Variants in MARCHF1 observed in about 807,000 individuals in gnomAD.
MARCHF1 encodes the protein membrane associated ring-CH-type finger 1, also known as E3 ubiquitin-protein ligase MARCHF1.
MARCHF1 carries 40 observed loss-of-function variants against 54.2 expected under a neutral mutation model. That is an observed-to-expected ratio of 0.74 (90% CI 0.57 to 0.96). The LOEUF (loss-of-function observed/expected upper bound fraction) is 0.96. Among genes scored for constraint, MARCHF1 ranks in the 40% least tolerant of loss-of-function variants. The probability of loss-of-function intolerance (pLI) is 0.00; values close to 1 mark genes in which losing one functional copy is unlikely to be tolerated. For synonymous variants in MARCHF1, 236 were observed against 236.3 expected (o/e 1.00, Z 0.01); for missense variants, 586 against 656.5 (o/e 0.89, Z 1.17).
chr4:163,679,979 G>GTTTTTTTT (rs11327231), intron 5 of MARCHF1, among the ~76,000 whole-genome samples: 1 of 139,374 alleles, frequency 7.2e-6, no homozygotes, highest in African/African-American at 2.6e-5. Context: ...CTTTTTATCT[G>GTTTTTTTT]TTTTTTTTTT....
chr4:163,977,486 T>A (rs1752671723), intron 3 of MARCHF1, among the ~76,000 whole-genome samples: 3 of 152,202 alleles, frequency 2.0e-5, no homozygotes, highest in African/African-American at 7.2e-5. Context: ...TAATATTTTG[T>A]TATCCTAATT....
At chr4:164,380,496 C>CAAA (rs1731336000) in intron 1 of MARCHF1, among the ~76,000 whole-genome samples, 1 of 152,184 alleles carries the variant, frequency 6.6e-6, no homozygotes. Flanking sequence ...AAGTAGAACA[C>CAAA]ATATTTCCTA....
chr4:164,095,218 C>T (rs1167091559), intron 2 of MARCHF1, among the ~76,000 whole-genome samples: 1 of 152,090 alleles, frequency 6.6e-6, no homozygotes, highest in Non-Finnish European at 1.5e-5. Flanking sequence ...AGGGCCTATT[C>T]CTCATTAGCC....
intron 4 of MARCHF1, among the ~76,000 whole-genome samples, chr4:163,843,834 A>G (rs1378907744): frequency 6.6e-6 from 1 of 151,484 alleles, no homozygotes; most frequent in African/African-American, 2.4e-5. Context: ...GTGGTGTGAG[A>G]TGGTATGTCA....
At chr4:163,725,091 G>A (rs3921738) in intron 4 of MARCHF1, among the ~76,000 whole-genome samples, 46,500 of 151,968 alleles carry the variant, frequency 0.31, 8,825 homozygotes, top group Non-Finnish European at 0.44. Context: ...ACCCGTCTGC[G>A]TCGCTCACGC....
At chr4:163,867,454 C>G (rs568698301) in intron 3 of MARCHF1, among the ~76,000 whole-genome samples, 1 of 151,458 alleles carries the variant, frequency 6.6e-6, no homozygotes. Context: ...ACACACATAT[C>G]CATAATATAG....
intron 7 of MARCHF1, among the ~76,000 whole-genome samples, chr4:163,600,809 A>T (rs1740939354): frequency 6.6e-6 from 1 of 152,148 alleles, no homozygotes; most frequent in East Asian, 1.9e-4. Flanking sequence ...TTTGATTAGC[A>T]CTTGTTGGGT....
chr4:164,189,314 A>G (rs1384396661), intron 1 of MARCHF1: 3 of 598,586 alleles, frequency 5.0e-6, no homozygotes, highest in Admixed American at 2.8e-5. Flanking sequence ...GAGTCCTTCT[A>G]TGAAGGAGAA....
chr4:163,790,039 C>A (rs150617847), intron 4 of MARCHF1, among the ~76,000 whole-genome samples: 1 of 152,002 alleles, frequency 6.6e-6, no homozygotes, highest in East Asian at 1.9e-4. Context: ...TAGCTAAGAT[C>A]AGGATAATTT....
At chr4:163,576,283 A>C (rs1246829316) in intron 8 of MARCHF1, among the ~76,000 whole-genome samples, 2 of 152,042 alleles carry the variant, frequency 1.3e-5, no homozygotes, top group Non-Finnish European at 2.9e-5. Context: ...TTCTGCCTTA[A>C]TGTAATTGTT....
intron 3 of MARCHF1, among the ~76,000 whole-genome samples, chr4:163,925,831 G>T (rs1358463404): frequency 6.6e-6 from 1 of 151,304 alleles, no homozygotes; most frequent in African/African-American, 2.4e-5. Context: ...CAGAAAATTT[G>T]ACATAATATA....
At chr4:163,976,709 T>G (rs1752655914) in intron 3 of MARCHF1, among the ~76,000 whole-genome samples, 1 of 152,164 alleles carries the variant, frequency 6.6e-6, no homozygotes, top group African/African-American at 2.4e-5. Context: ...GCCTGACTTC[T>G]CTAAAGTGCC....
intron 2 of MARCHF1, among the ~76,000 whole-genome samples, chr4:164,063,067 C>A (rs1230286520): frequency 1.3e-5 from 2 of 152,186 alleles, no homozygotes; most frequent in South Asian, 2.1e-4. Flanking sequence ...GTAACCCAGG[C>A]TGCAAACAGA....
At chr4:163,878,704 C>A (rs1750347934) in intron 3 of MARCHF1, among the ~76,000 whole-genome samples, 1 of 152,194 alleles carries the variant, frequency 6.6e-6, no homozygotes, top group African/African-American at 2.4e-5. Context: ...CCAAAATAAA[C>A]CATCTTCAGT....
chr4:164,180,653 C>A (rs1006342346), intron 1 of MARCHF1, among the ~76,000 whole-genome samples: 2 of 152,124 alleles, frequency 1.3e-5, no homozygotes, highest in African/African-American at 4.8e-5. Flanking sequence ...TAGGTCAAGA[C>A]AGCTGAATAT....
chr4:164,215,103 A>T (rs559693529), intron 1 of MARCHF1, among the ~76,000 whole-genome samples: 3 of 152,230 alleles, frequency 2.0e-5, no homozygotes, highest in South Asian at 4.1e-4. Flanking sequence ...CTTATCACAG[A>T]GGGCTTTCTG....
At chr4:164,289,042 T>A (rs2111360218) in intron 1 of MARCHF1, among the ~76,000 whole-genome samples, 1 of 152,130 alleles carries the variant, frequency 6.6e-6, no homozygotes, top group South Asian at 2.1e-4. Flanking sequence ...GATAAAATAT[T>A]TTCTCTTTTC....
chr4:164,224,387 T>C (rs1454188815), intron 1 of MARCHF1, among the ~76,000 whole-genome samples: 5 of 151,932 alleles, frequency 3.3e-5, no homozygotes, highest in Admixed American at 1.3e-4. Context: ...GAGTTTTATA[T>C]ACTCTCCATG....
In MARCHF1 at chr4:164,291,432, C is replaced by T. The variant is rs568955270; in HGVS notation, c.-323+92438G>A. 1.4e-3 allele frequency among the ~76,000 whole-genome samples: 220 copies of T among 152,054 alleles called. 1 individual carries two copies. The highest frequency in any genetic ancestry group is 2.4e-3 in the Non-Finnish European group (161 of 67,868). The stretch of plus-strand genomic sequence containing the variant: ...TTATCTCATTTGTAGAGAGTGATGT[C>T]TGGACTAACATTTTACATGCCATAA... On this transcript the variant is annotated intron_variant, in intron 1 of 9. Transcript: ENST00000514618.
Sources: allele counts gnomAD v4.1 joint callset (sites outside exome capture counted in the v4.1 genomes callset), GRCh38; gene constraint gnomAD v4.1.1; transcripts MANE v1.5; gene names NCBI Gene and HGNC (gene_info 2026-07-23, HGNC 2026-07-21).